Variants in PDXDC1 observed in about 807,000 individuals in gnomAD.
The protein encoded by PDXDC1 is pyridoxal dependent decarboxylase domain containing 1.
In PDXDC1, 42 loss-of-function variants were observed where a neutral mutation model predicts 100.1. The ratio of observed to expected loss-of-function variants is 0.42; its 90% CI spans 0.33 to 0.54. The LOEUF (loss-of-function observed/expected upper bound fraction) is 0.54. PDXDC1 is among the 20% of genes least tolerant of loss of function. The pLI is 0.10. For synonymous variants in PDXDC1, 260 were observed against 371.7 expected, an observed-to-expected ratio of 0.70 and a Z score of 3.46; for missense variants, 636 against 979.2, an observed-to-expected ratio of 0.65 and a Z score of 4.68.
intron 16 of PDXDC1, among the ~76,000 whole-genome samples, chr16:15,111,130 AC>A (rs1312605100): frequency 1.5e-5 from 2 of 131,418 alleles, no homozygotes; most frequent in East Asian, 2.0e-4. Context: ...TCTGTCACAC[AC>A]ACACACACAC....
chr16:15,125,920 T>G, intron 16 of PDXDC1: 1 of 654,326 alleles, frequency 1.5e-6, no homozygotes, highest in Middle Eastern at 4.0e-4. Flanking sequence ...TGACAGAATG[T>G]CCTAGAATGC....
chr16:15,093,548 G>A (rs1437569212), intron 16 of PDXDC1, among the ~76,000 whole-genome samples: 2 of 152,128 alleles, frequency 1.3e-5, no homozygotes, highest in South Asian at 2.1e-4. Flanking sequence ...CAGTAAGCAG[G>A]AGCTCGATAA....
At chr16:15,031,958 A>G (rs201621998) in intron 17 of PDXDC1, 52 bp downstream of exon 17, 1 of 1,432,794 alleles carries the variant, frequency 7.0e-7, no homozygotes, top group South Asian at 1.2e-5. Context: ...TATAAAGAAC[A>G]TGAGTGGGTC....
intron 12 of PDXDC1, 110 bp downstream of exon 12, chr16:15,019,075 T>A: frequency 3.3e-6 from 5 of 1,518,356 alleles, no homozygotes; most frequent in Non-Finnish European, 4.5e-6. Context: ...GGATTGACTG[T>A]CTCGTGAGCC....
intron 16 of PDXDC1, chr16:15,127,710 C>A: frequency 1.3e-6 from 2 of 1,490,238 alleles, no homozygotes; most frequent in African/African-American, 1.4e-5. Context: ...CACCAACAGC[C>A]CCGTACCACA....
chr16:15,131,180 G>C, intron 16 of PDXDC1: 1 of 1,588,350 alleles, frequency 6.3e-7, no homozygotes. Flanking sequence ...GCCTGGGGCT[G>C]GACCACAACG....
intron 16 of PDXDC1, chr16:15,127,901 G>T (rs199709925): frequency 2.0e-6 from 3 of 1,491,162 alleles, no homozygotes; most frequent in Non-Finnish European, 2.8e-6. Flanking sequence ...GCGTGACCTA[G>T]AAGGCAGGGA....
chr16:14,984,909 C>G (rs1008970336), intron 1 of PDXDC1, among the ~76,000 whole-genome samples: 4 of 152,242 alleles, frequency 2.6e-5, no homozygotes, highest in Non-Finnish European at 4.4e-5. Flanking sequence ...GAGTCTTGCT[C>G]TGTCACCTAG....
In PDXDC1 at chr16:15,009,734, G is replaced by C. The variant is rs777088837; in HGVS notation, c.702G>C (p.Leu234=). 11 of 1,613,868 alleles carry C rather than the reference G, an allele frequency of 6.8e-6. No homozygotes were observed. The highest frequency in any genetic ancestry group is 4.0e-5 in the African/African-American group (3 of 74,958). The part of the protein sequence containing the change: ...LIKDDIERGR[L]PLLLVANAGT... Reference sequence around the variant, plus strand: ...AAGATGATATAGAGCGAGGAAGACTGCCCCTGTTGCTTGTCGCAAATGCAG... The same window carrying C: ...AAGATGATATAGAGCGAGGAAGACTCCCCCTGTTGCTTGTCGCAAATGCAG... Residue 234 remains leucine (L), a synonymous_variant, in exon 8 of 23, where the codon CTG becomes CTC. Coordinates refer to ENST00000396410, the MANE Select transcript of PDXDC1 (RefSeq NM_015027.4).
rs540930706 is a variant in PDXDC1, at chr16:15,047,162, T to C, written c.1399+17106T>C. ...CCACACCCGGGGGAGAGCAAAACGA[T>C]GTGAAAATCGCAACCTCGACGTTCC... On this transcript the variant is annotated intron_variant, in intron 16 of 16. Coordinates refer to the PDXDC1 transcript ENST00000535621. 1.9e-5 allele frequency: 9 copies of C among 466,262 alleles called. No homozygotes were observed. The East Asian group carries it at 3.4e-4, about 18-fold the overall frequency. The allele number at this position is 466,262 out of a possible 1,614,324, so 28.9% of individuals were successfully genotyped here.
At chr16:15,044,154 A>G (rs1489690392) in intron 16 of PDXDC1, among the ~76,000 whole-genome samples, 1 of 152,156 alleles carries the variant, frequency 6.6e-6, no homozygotes, top group East Asian at 1.9e-4. Flanking sequence ...CCCTCCCTAC[A>G]CATGAGCTCC....
intron 16 of PDXDC1, among the ~76,000 whole-genome samples, chr16:15,062,472 T>C (rs1205458743): frequency 6.6e-6 from 1 of 152,172 alleles, no homozygotes; most frequent in Non-Finnish European, 1.5e-5. Flanking sequence ...AGAAAACAAA[T>C]GTGCTCCCAA....
chr16:15,119,476 T>C (rs2047364109), intron 16 of PDXDC1, among the ~76,000 whole-genome samples: 1 of 149,366 alleles, frequency 6.7e-6, no homozygotes, highest in Admixed American at 6.8e-5. Context: ...TGGAGTGCAG[T>C]GGTGCAATCT....
chr16:14,990,869 T>C (rs1342478630), intron 1 of PDXDC1, among the ~76,000 whole-genome samples: 1 of 152,266 alleles, frequency 6.6e-6, no homozygotes, highest in Non-Finnish European at 1.5e-5. Flanking sequence ...GCCTTCCGAG[T>C]ACCTAGGACT....
intron 16 of PDXDC1, among the ~76,000 whole-genome samples, chr16:15,064,753 T>C (rs2044883876): frequency 6.6e-6 from 1 of 152,210 alleles, no homozygotes; most frequent in Admixed American, 6.5e-5. Flanking sequence ...TCCTCTACTT[T>C]GCATCTGGTG....
chr16:15,127,848 C>A, intron 16 of PDXDC1: 1 of 1,566,378 alleles, frequency 6.4e-7, no homozygotes, highest in Non-Finnish European at 8.6e-7. Flanking sequence ...AGAAGCCGCA[C>A]TGCAGCTCAG....
intron 16 of PDXDC1, among the ~76,000 whole-genome samples, chr16:15,128,707 C>A (rs552514571): frequency 6.6e-6 from 1 of 152,150 alleles, no homozygotes; most frequent in African/African-American, 2.4e-5. Flanking sequence ...CACGCCACAA[C>A]CAGTGACCCG....
chr16:15,147,075 CCAGGGAGGGAGAGGTGGGAGGGGCTGG>C, the PDXDC1 span, among the ~76,000 whole-genome samples: 438 of 144,958 alleles, frequency 3.0e-3, 33 homozygotes, highest in Middle Eastern at 0.01. Context: ...CAGGGATGAG[CCAGGGAGGGAGAGGTGGGAGGGGCTGG>C]CAGGGAGGGA....
chr16:15,052,681 A>C (rs942091468), intron 16 of PDXDC1, among the ~76,000 whole-genome samples: 16 of 152,116 alleles, frequency 1.1e-4, no homozygotes, highest in African/African-American at 3.6e-4. Flanking sequence ...TAAAAATACA[A>C]AAATTAGCCG....
Sources: allele counts gnomAD v4.1 joint callset (sites outside exome capture counted in the v4.1 genomes callset), GRCh38; gene constraint gnomAD v4.1.1; transcripts MANE v1.5; gene names NCBI Gene and HGNC (gene_info 2026-07-23, HGNC 2026-07-21).